Variants in MED13 observed in about 807,000 individuals in gnomAD.
MED13 encodes mediator complex subunit 13, also known as mediator of RNA polymerase II transcription subunit 13.
Under a neutral mutation model 225.2 loss-of-function variants are expected in MED13, and 23 were observed. The observed-to-expected ratio is 0.10, with a 90% confidence interval of 0.07 to 0.14. The LOEUF (loss-of-function observed/expected upper bound fraction) is 0.14, where lower values mean the gene tolerates loss of function less well. MED13 is among the 10% of genes least tolerant of loss of function. MED13 has a pLI of 1.00. For missense variants in MED13, 2,197 were observed against 2,594.5 expected (o/e 0.85, Z 3.33); for synonymous variants, 942 against 889.2 (o/e 1.06, Z -1.06).
chr17:62,025,666 AT>A (rs946724853), intron 8 of MED13, among the ~76,000 whole-genome samples: 8 of 152,242 alleles, frequency 5.3e-5, no homozygotes, highest in African/African-American at 1.9e-4. Flanking sequence ...TCTCAAACAA[AT>A]TAAAAAAAAT....
At chr17:62,016,873 G>A (rs1192461097) in intron 8 of MED13, among the ~76,000 whole-genome samples, 4 of 151,978 alleles carry the variant, frequency 2.6e-5, no homozygotes. Flanking sequence ...AGCCGGGTGT[G>A]GTGGCAGGCG....
intron 9 of MED13, among the ~76,000 whole-genome samples, chr17:61,997,046 C>CT (rs1201116139): frequency 2.1e-4 from 32 of 152,166 alleles, no homozygotes; most frequent in Non-Finnish European, 1.9e-4. Flanking sequence ...CTTATCTACT[C>CT]TGAGTACTAA....
intron 3 of MED13, among the ~76,000 whole-genome samples, chr17:62,051,414 C>A (rs1486099099): frequency 6.6e-6 from 1 of 152,160 alleles, no homozygotes; most frequent in Non-Finnish European, 1.5e-5. Flanking sequence ...ACTAAACTAT[C>A]GACCTCCATA....
intron 16 of MED13, among the ~76,000 whole-genome samples, chr17:61,980,740 C>T (rs557937892): frequency 5.9e-5 from 9 of 152,168 alleles, no homozygotes; most frequent in East Asian, 1.9e-4. Flanking sequence ...CAAACCCCAA[C>T]GCTATTTTCC....
In MED13 at chr17:61,982,587, C is replaced by G; in HGVS notation, c.3416G>C (p.Gly1139Ala). The G allele has an allele frequency of 6.2e-7, 1 of 1,614,154 alleles. No individual in the cohort carries two copies. Among genetic ancestry groups the G allele is most frequent in the Non-Finnish European group, 8.5e-7 (1 of 1,180,046 alleles). Residue 1139 changes from glycine (G) to alanine (A), a missense_variant, in exon 16 of 30, where the codon GGA (glycine) becomes GCA (alanine). By Grantham distance (60) the Gly-to-Ala change is moderately conservative. Coordinates refer to ENST00000397786, the MANE Select transcript of MED13 (RefSeq NM_005121.3). ...ATCTAGTTCATCTTCAAGAAATAATCCTGAATTGTTTCCAAATTTTCTGTT... is the reference window on the plus strand; with the variant it reads ...ATCTAGTTCATCTTCAAGAAATAATGCTGAATTGTTTCCAAATTTTCTGTT... ...VMNRKFGNNS[G>A]LFLEDELDII...
intron 1 of MED13, among the ~76,000 whole-genome samples, chr17:62,064,017 A>G (rs964296766): frequency 2.0e-5 from 3 of 152,224 alleles, no homozygotes; most frequent in African/African-American, 7.2e-5. Flanking sequence ...CATGGGCGTT[A>G]AGAAATTCGA....
rs372390031 is a variant in MED13, at chr17:61,965,026, C to T, written c.4824G>A (p.Pro1608=). 1.2e-5 allele frequency: 19 copies of T among 1,613,866 alleles called. No homozygotes were observed. The highest frequency in any genetic ancestry group is 5.3e-5 in the African/African-American group (4 of 75,036). ...SGESSSLPTQ[P]HPDVSESTMD... is the part of the protein sequence containing the mutation. ...GGTACCTTTCAGACACATCAGGATG[C>T]GGCTGAGTGGGAAGTGAAGATGATT... Residue 1608 remains proline (P), a synonymous_variant, in exon 20 of 30, where the codon CCG becomes CCA. Transcript: ENST00000397786.
rs1384984572 is a variant in MED13, at chr17:61,965,204, C to G, written c.4646G>C (p.Gly1549Ala). 1 of 1,614,050 alleles carries G rather than the reference C, an allele frequency of 6.2e-7. No homozygotes were observed. Among genetic ancestry groups the G allele is most frequent in the Non-Finnish European group, 8.5e-7 (1 of 1,180,028 alleles). Residue 1549 changes from glycine (G) to alanine (A), a missense_variant, in exon 20 of 30, where the codon GGA becomes GCA. Coordinates refer to ENST00000397786, the MANE Select transcript of MED13 (RefSeq NM_005121.3). ...CGAAGGTAGTTTATTTGATGATACTCCACTATTCAAGTTGGAGGATGATGA... is the reference window on the plus strand; with the variant it reads ...CGAAGGTAGTTTATTTGATGATACTGCACTATTCAAGTTGGAGGATGATGA... The part of the protein sequence containing the change: ...SSSSSSNLNS[G>A]VSSNKLPSFP...
intron 2 of MED13, among the ~76,000 whole-genome samples, chr17:62,062,269 C>T (rs1434920442): frequency 6.6e-6 from 1 of 152,162 alleles, no homozygotes; most frequent in Non-Finnish European, 1.5e-5. Flanking sequence ...TCAGTTAATA[C>T]TGACTTTCAC....
chr17:61,976,852 A>AT (rs1192075756), intron 16 of MED13, among the ~76,000 whole-genome samples: 2 of 152,310 alleles, frequency 1.3e-5, no homozygotes, highest in African/African-American at 4.8e-5. Context: ...GAATGGCGTG[A>AT]TCCCGGTAGG....
intron 8 of MED13, among the ~76,000 whole-genome samples, chr17:62,020,547 T>C (rs1158470321): frequency 6.6e-6 from 1 of 151,956 alleles, no homozygotes; most frequent in Non-Finnish European, 1.5e-5. Context: ...CGGCTAATTT[T>C]TTTTTGTACT....
intron 8 of MED13, among the ~76,000 whole-genome samples, chr17:62,027,550 G>A (rs1405088870): frequency 6.6e-6 from 1 of 152,096 alleles, no homozygotes; most frequent in Non-Finnish European, 1.5e-5. Flanking sequence ...GATGTCAAAA[G>A]CAATCACAAC....
intron 8 of MED13, among the ~76,000 whole-genome samples, chr17:62,021,136 C>T (rs1253108249): frequency 6.6e-6 from 1 of 151,522 alleles, no homozygotes; most frequent in Non-Finnish European, 1.5e-5. Context: ...CTTTTCCCCG[C>T]CTTTCCCCTC....
At chr17:62,060,149 C>T (rs1251241463) in intron 2 of MED13, among the ~76,000 whole-genome samples, 1 of 151,804 alleles carries the variant, frequency 6.6e-6, no homozygotes, top group African/African-American at 2.4e-5. Flanking sequence ...AAAAATTAGC[C>T]GAGTGTGGCA....
At chr17:62,007,944 G>A (rs1222540414) in intron 9 of MED13, among the ~76,000 whole-genome samples, 2 of 149,090 alleles carry the variant, frequency 1.3e-5, no homozygotes, top group East Asian at 2.0e-4. Context: ...GCCTGAACCC[G>A]GAAGGCAGAG....
rs1193403470 is a variant in MED13 at position 61,946,454 on chromosome 17, C to G, written c.*14G>C. 1.2e-6 allele frequency: 2 copies of G among 1,610,704 alleles called. No individual in the cohort carries two copies. Among genetic ancestry groups the G allele is most frequent in the Admixed American group, 3.4e-5 (2 of 59,038 alleles). On this transcript the variant is annotated 3_prime_UTR_variant, in exon 30 of 30. Transcript: ENST00000397786. ...TTCCTTGTTCTTTTCTTGCACAGTT[C>G]CATCAAATGAAGATCACAGCATATT...
At chr17:62,019,930 G>A (rs951194801) in intron 8 of MED13, among the ~76,000 whole-genome samples, 1 of 151,768 alleles carries the variant, frequency 6.6e-6, no homozygotes, top group Non-Finnish European at 1.5e-5. Context: ...ATTTTTAGTA[G>A]AAACACGGTT....
intron 8 of MED13, among the ~76,000 whole-genome samples, chr17:62,027,348 T>G (rs1448539872): frequency 6.6e-6 from 1 of 152,168 alleles, no homozygotes. Flanking sequence ...GACTCCCTAT[T>G]CAATAAATGG....
intron 16 of MED13, among the ~76,000 whole-genome samples, chr17:61,979,757 T>C (rs901698466): frequency 2.0e-5 from 3 of 152,198 alleles, no homozygotes; most frequent in Non-Finnish European, 4.4e-5. Flanking sequence ...TCCCGTTCTT[T>C]TGTGAACCCA....
Sources: gnomAD v4.1 joint callset for allele counts (sites outside exome capture counted in the v4.1 genomes callset) on GRCh38, gnomAD v4.1.1 for gene constraint, MANE v1.5 for transcripts, NCBI Gene and HGNC (gene_info 2026-07-23, HGNC 2026-07-21) for gene names.